The following CR1L variants were observed in gnomAD, a reference collection of about 807,000 sequenced individuals.
CR1L encodes the protein complement C3b/C4b receptor 1 like.
A neutral mutation model predicts 62.3 loss-of-function variants in CR1L; 59 were observed. The ratio of observed to expected loss-of-function variants is 0.95; its 90% CI spans 0.77 to 1.18. CR1L has a LOEUF of 1.18. Among genes scored for constraint, CR1L ranks in the 50% most tolerant of loss-of-function variants. The pLI, the probability that CR1L is intolerant of heterozygous loss-of-function variation, is 0.00. For missense variants in CR1L, 700 were observed against 702.8 expected (o/e 1.00, Z 0.04); for synonymous variants, 279 against 248.7 (o/e 1.12, Z -1.15).
intron 1 of CR1L, among the ~76,000 whole-genome samples, chr1:207,647,192 T>C (rs115685125): frequency 4.8e-4 from 73 of 152,300 alleles, no homozygotes; most frequent in Non-Finnish European, 8.5e-4. Flanking sequence ...GGAAGTGTTC[T>C]GGAGGAAAGG....
intron 8 of CR1L, among the ~76,000 whole-genome samples, chr1:207,700,545 C>A (rs544683576): frequency 5.3e-5 from 8 of 152,242 alleles, no homozygotes; most frequent in African/African-American, 1.9e-4. Context: ...GAAAATAAAT[C>A]ATCAACAGAC....
chr1:207,659,948 G>A (rs191564292), intron 1 of CR1L, among the ~76,000 whole-genome samples: 3 of 152,330 alleles, frequency 2.0e-5, no homozygotes, highest in African/African-American at 7.2e-5. Flanking sequence ...CTTGGCTGGG[G>A]GAGGAGCGTC....
chr1:207,679,675 G>A (rs1289466130), intron 3 of CR1L, among the ~76,000 whole-genome samples: 3 of 152,146 alleles, frequency 2.0e-5, no homozygotes, highest in African/African-American at 7.2e-5. Flanking sequence ...ATTCATAATT[G>A]CCAAAACTTG....
At position 207,697,779 on chromosome 1, in the gene CR1L, T is replaced by A; in HGVS notation, c.1048T>A (p.Cys350Ser). 1 of 1,614,070 alleles carries A rather than the reference T, an allele frequency of 6.2e-7. No homozygotes were observed. The part of the protein sequence containing the change: ...PAAPRCEVKS[C>S]DDFLGQLPNG... ...TTTTTCTTTTTTTCCAGTGAAATCC[T>A]GTGATGACTTCCTGGGCCAACTTCC... The change falls in exon 7 of 12, where the codon TGT becomes AGT. Residue 350 changes from cysteine to serine, a missense_variant. Transcript: ENST00000508064.
At chr1:207,714,561 A>T (rs1184240348) in intron 10 of CR1L, among the ~76,000 whole-genome samples, 1 of 152,138 alleles carries the variant, frequency 6.6e-6, no homozygotes, top group Non-Finnish European at 1.5e-5. Context: ...TTCGTTGCTT[A>T]TGTGTATCCA....
chr1:207,709,431 T>C (rs1664318697), intron 10 of CR1L, among the ~76,000 whole-genome samples: 1 of 152,110 alleles, frequency 6.6e-6, no homozygotes, highest in Admixed American at 6.5e-5. Context: ...CTGTATGCTT[T>C]ATTATATTAA....
chr1:207,663,889 A>G (rs1663468414), intron 1 of CR1L, among the ~76,000 whole-genome samples: 1 of 152,224 alleles, frequency 6.6e-6, no homozygotes, highest in African/African-American at 2.4e-5. Flanking sequence ...GATGTAACAC[A>G]TTTAAACAGG....
chr1:207,697,279 G>A (rs1347527465), intron 5 of CR1L, among the ~76,000 whole-genome samples: 1 of 152,208 alleles, frequency 6.6e-6, no homozygotes, highest in South Asian at 2.1e-4. Flanking sequence ...AATGAATTGG[G>A]GATACCTCTG....
intron 4 of CR1L, 68 bp from the exon 5 acceptor site, chr1:207,694,285 T>C: frequency 6.4e-7 from 1 of 1,566,398 alleles, no homozygotes; most frequent in Non-Finnish European, 8.7e-7. Flanking sequence ...TAAAAATAGT[T>C]ACAGTTTAGT....
At chr1:207,707,972 TG>T (rs1296203705) in intron 9 of CR1L, among the ~76,000 whole-genome samples, 1 of 152,208 alleles carries the variant, frequency 6.6e-6, no homozygotes, top group African/African-American at 2.4e-5. Flanking sequence ...AGAAGTAAAG[TG>T]GACCAGGAGA....
rs892205725 is a variant in CR1L at position 207,665,522 on chromosome 1, G to A, written c.98-11867G>A. Among the ~76,000 whole-genome samples the A allele has an allele frequency of 5.3e-5, 8 of 151,856 alleles. 1 individual carries two copies. The South Asian group carries it at 6.2e-4, about 12-fold the overall frequency. ...AGCAATTCTCCTGGCTCAGCCTCCC[G>A]AGTAGCTGGGATTACAGGTGCGACA... On this transcript the variant is annotated intron_variant, in intron 1 of 11. Transcript: ENST00000508064.
At chr1:207,652,582 G>A in intron 1 of CR1L, 1 of 1,556,098 alleles carries the variant, frequency 6.4e-7, no homozygotes, top group Non-Finnish European at 8.9e-7. Flanking sequence ...TGAAGCTATG[G>A]AGCTCATTGG....
At chr1:207,712,531 T>C (rs758602069) in intron 10 of CR1L, among the ~76,000 whole-genome samples, 17 of 152,176 alleles carry the variant, frequency 1.1e-4, no homozygotes, top group Admixed American at 3.9e-4. Context: ...CTACAATGTG[T>C]CAGCCGCCTC....
intron 3 of CR1L, among the ~76,000 whole-genome samples, chr1:207,679,778 A>G (rs1319866066): frequency 6.6e-6 from 1 of 152,210 alleles, no homozygotes; most frequent in African/African-American, 2.4e-5. Flanking sequence ...GAAATGAGCT[A>G]TCAAGCCATG....
chr1:207,694,356 T>C lies in CR1L; in HGVS notation c.467T>C (p.Ile156Thr), dbSNP rs769932758. 6.2e-7 allele frequency: 1 copy of C among 1,614,014 alleles called. No homozygotes were observed. The highest frequency in any genetic ancestry group is 8.5e-7 in the Non-Finnish European group (1 of 1,179,886). The change falls in exon 5 of 12, where the codon ATT (isoleucine) becomes ACT (threonine). Residue 156 changes from isoleucine to threonine, a missense_variant. By Grantham distance (89) the Ile-to-Thr change is moderately conservative. Coordinates refer to ENST00000508064, the MANE Select transcript of CR1L (RefSeq NM_175710.2). The part of the protein sequence containing the change: ...WDNKTPVCDR[I>T]ICGLPPTIAN... ...GACTGTGCTCTTCCTTTCCCAGGAA[T>C]TATTTGTGGGCTACCCCCCACCATC...
rs1010875783 is a variant in CR1L at position 207,666,202 on chromosome 1, C to T, written c.98-11187C>T. 2.6e-5 allele frequency among the ~76,000 whole-genome samples: 4 copies of T among 152,222 alleles called. No individual in the cohort carries two copies. The East Asian group carries it at 7.7e-4, about 29-fold the overall frequency. ...AGCACTGGAAACAATTGACTCCTGT[C>T]TCTACCAAACTGTACGTCCCAGATT... On this transcript the variant is annotated intron_variant, in intron 1 of 11. Coordinates refer to ENST00000508064, the MANE Select transcript of CR1L (RefSeq NM_175710.2).
intron 1 of CR1L, chr1:207,669,551 T>C (rs763410928): frequency 4.5e-5 from 70 of 1,566,010 alleles, no homozygotes; most frequent in Middle Eastern, 2.1e-4. Flanking sequence ...CTGCTCGCGC[T>C]GCCGGTGGCC....
At chr1:207,662,944 G>A (rs542873861) in intron 1 of CR1L, among the ~76,000 whole-genome samples, 46 of 152,334 alleles carry the variant, frequency 3.0e-4, no homozygotes, top group African/African-American at 9.9e-4. Flanking sequence ...TGTCAGCAGC[G>A]GTGGCTGCAG....
chr1:207,705,339 TG>T (rs1280853973), intron 9 of CR1L, among the ~76,000 whole-genome samples: 2 of 152,144 alleles, frequency 1.3e-5, no homozygotes, highest in African/African-American at 4.8e-5. Flanking sequence ...CCAACATATT[TG>T]GGGGAGACAC....
Sources: gnomAD v4.1 joint callset for allele counts (sites outside exome capture counted in the v4.1 genomes callset) on GRCh38, gnomAD v4.1.1 for gene constraint, MANE v1.5 for transcripts, NCBI Gene and HGNC (gene_info 2026-07-23, HGNC 2026-07-21) for gene names.